METTL16: variants seen among roughly 807,000 people sequenced by gnomAD.
The protein encoded by METTL16 is RNA N(6)-adenosine-methyltransferase METTL16.
In METTL16, 19 loss-of-function variants were observed where a neutral mutation model predicts 57.9. The observed-to-expected ratio is 0.33, with a 90% CI of 0.23 to 0.48. The LOEUF (loss-of-function observed/expected upper bound fraction) is 0.48. Among genes scored for constraint, METTL16 ranks in the 20% least tolerant of loss-of-function variants. The pLI is 0.99. For synonymous variants in METTL16, 246 were observed against 255.6 expected (o/e 0.96, Z 0.36); for missense variants, 434 against 691.5 (o/e 0.63, Z 4.18).
chr17:2,453,087 T>C (rs1296099211), intron 6 of METTL16, among the ~76,000 whole-genome samples: 1 of 152,156 alleles, frequency 6.6e-6, no homozygotes, highest in Admixed American at 6.5e-5. Flanking sequence ...CTTGAACTCC[T>C]GACCTCAGGT....
chr17:2,416,798 C>T lies in METTL16; in HGVS notation c.*3172G>A, dbSNP rs978882790. On this transcript the variant is annotated 3_prime_UTR_variant, in exon 10 of 10. Coordinates refer to ENST00000263092, the MANE Select transcript of METTL16 (RefSeq NM_024086.4). ...CTCTGGACACCGGGAGAGTAACACT[C>T]AAGGTTATGACATATGAGTCAATAA... is the stretch of plus-strand genomic sequence containing the variant. 3 of 152,190 alleles carry T rather than the reference C, an allele frequency of 2.0e-5. No homozygotes were observed. Among genetic ancestry groups the T allele is most frequent in the Admixed American group, 6.5e-5 (1 of 15,276 alleles). 9.4% of individuals were successfully genotyped at this position (152,190 alleles called of 1,614,324 possible).
intron 5 of METTL16, among the ~76,000 whole-genome samples, chr17:2,466,745 T>C (rs2067199858): frequency 6.6e-6 from 1 of 152,198 alleles, no homozygotes; most frequent in African/African-American, 2.4e-5. Context: ...TATGTAAAAA[T>C]AGTGATACTG....
At chr17:2,443,066 T>C (rs550596882) in intron 6 of METTL16, among the ~76,000 whole-genome samples, 3 of 152,120 alleles carry the variant, frequency 2.0e-5, no homozygotes, top group South Asian at 4.1e-4. Flanking sequence ...CTCCACTCAC[T>C]GCAACCTCCA....
intron 8 of METTL16, among the ~76,000 whole-genome samples, chr17:2,431,879 T>C (rs963720169): frequency 6.6e-6 from 1 of 152,102 alleles, no homozygotes; most frequent in African/African-American, 2.4e-5. Context: ...AACAAGGATA[T>C]AATAACAATA....
chr17:2,490,239 C>T (rs904256507), intron 2 of METTL16, among the ~76,000 whole-genome samples: 1 of 151,188 alleles, frequency 6.6e-6, no homozygotes, highest in African/African-American at 2.4e-5. Flanking sequence ...CATAATTCCA[C>T]TTTTTTTTTA....
chr17:2,466,687 T>A (rs2067199406), intron 5 of METTL16, among the ~76,000 whole-genome samples: 1 of 152,242 alleles, frequency 6.6e-6, no homozygotes, highest in Non-Finnish European at 1.5e-5. Flanking sequence ...TCTGGTATAC[T>A]TTCAATAATT....
At chr17:2,491,595 G>A (rs900752856) in intron 2 of METTL16, among the ~76,000 whole-genome samples, 1 of 152,142 alleles carries the variant, frequency 6.6e-6, no homozygotes, top group East Asian at 1.9e-4. Context: ...AAATCAGTTG[G>A]CCGGGCACGG....
intron 6 of METTL16, among the ~76,000 whole-genome samples, chr17:2,448,799 A>T (rs1217692153): frequency 1.3e-5 from 1 of 77,196 alleles, no homozygotes; most frequent in Non-Finnish European, 2.7e-5. Context: ...TAAAAATAAA[A>T]TTTAAAAAAA....
chr17:2,460,153 G>A (rs1457751176), intron 6 of METTL16: 1 of 152,146 alleles, frequency 6.6e-6, no homozygotes, highest in Non-Finnish European at 1.5e-5. Context: ...TTTCTTCTCA[G>A]TAAAAATCAC....
At chr17:2,457,270 G>A (rs148175238) in intron 6 of METTL16, among the ~76,000 whole-genome samples, 2,301 of 149,996 alleles carry the variant, frequency 0.015, 61 homozygotes, top group African/African-American at 0.052. Context: ...CCTGGGAGGC[G>A]GAGGTTGCAG....
intron 1 of METTL16, among the ~76,000 whole-genome samples, chr17:2,510,301 C>G (rs1356896188): frequency 1.3e-5 from 2 of 152,092 alleles, no homozygotes; most frequent in East Asian, 3.8e-4. Flanking sequence ...GTATTGGTAA[C>G]ATTTCAAGCC....
intron 6 of METTL16, among the ~76,000 whole-genome samples, chr17:2,453,342 A>C (rs912672495): frequency 3.9e-5 from 6 of 152,142 alleles, no homozygotes; most frequent in Admixed American, 6.6e-5. Flanking sequence ...ATGTCTCTTT[A>C]GCCTCCTTCA....
At chr17:2,487,017 A>G (rs913108031) in intron 2 of METTL16, among the ~76,000 whole-genome samples, 1 of 150,978 alleles carries the variant, frequency 6.6e-6, no homozygotes, top group African/African-American at 2.4e-5. Flanking sequence ...AAAAAAAAAA[A>G]AAAAAAAAAG....
At chr17:2,424,177 G>A (rs928798999) in intron 8 of METTL16, 3 of 149,780 alleles carry the variant, frequency 2.0e-5, no homozygotes, top group South Asian at 2.1e-4. Flanking sequence ...GCAGTGGCGG[G>A]ATCTCGGCTC....
At chr17:2,444,369 GA>G (rs1181731605) in intron 6 of METTL16, among the ~76,000 whole-genome samples, 1 of 152,098 alleles carries the variant, frequency 6.6e-6, no homozygotes, top group African/African-American at 2.4e-5. Context: ...AAAATAGCTT[GA>G]ACCCCAGAGG....
chr17:2,470,358 C>T (rs916362327), intron 4 of METTL16, among the ~76,000 whole-genome samples: 1 of 151,988 alleles, frequency 6.6e-6, no homozygotes, highest in Non-Finnish European at 1.5e-5. Flanking sequence ...TAAAAGGACG[C>T]TTGGTTCACA....
chr17:2,415,965 C>G (rs6502217), downstream of METTL16: 1 of 152,008 alleles, frequency 6.6e-6, no homozygotes, highest in Non-Finnish European at 1.5e-5. Flanking sequence ...CTGGAAAGAA[C>G]AGAAAAAACA....
In METTL16 at chr17:2,495,636, A is replaced by G. The variant is rs1056154682; in HGVS notation, c.128+6568T>C. 1.8e-4 allele frequency among the ~76,000 whole-genome samples: 27 copies of G among 148,748 alleles called. 2 individuals are homozygous for G. The highest frequency in any genetic ancestry group is 6.6e-4 in the African/African-American group (26 of 39,534). ...CTTGAACCCAGGAGGTGGAGGCTGC[A>G]GTGAGCTGAGATCCGGCCACTGCAC... On this transcript the variant is annotated intron_variant, in intron 2 of 9. Coordinates refer to ENST00000263092, the MANE Select transcript of METTL16 (RefSeq NM_024086.4).
chr17:2,440,138 T>C (rs2066937057), intron 7 of METTL16, among the ~76,000 whole-genome samples: 1 of 152,174 alleles, frequency 6.6e-6, no homozygotes, highest in South Asian at 2.1e-4. Context: ...GTGCCAACAG[T>C]CCCAGCTACT....
Sources: allele counts gnomAD v4.1 joint callset (sites outside exome capture counted in the v4.1 genomes callset), GRCh38; gene constraint gnomAD v4.1.1; transcripts MANE v1.5; gene names NCBI Gene and HGNC (gene_info 2026-07-23, HGNC 2026-07-21).